Variants in DGAT2L6 observed in about 807,000 individuals in gnomAD.
The protein encoded by DGAT2L6 is diacylglycerol O-acyltransferase 2 like 6, also known as diacylglycerol O-acyltransferase 2-like protein 6.
DGAT2L6 carries 22 observed loss-of-function variants against 25.5 expected under a neutral mutation model. The ratio of observed to expected loss-of-function variants is 0.86; its 90% CI spans 0.62 to 1.23. The LOEUF (loss-of-function observed/expected upper bound fraction) is 1.23. Ranked by LOEUF, DGAT2L6 falls within the 50% of genes most tolerant of loss-of-function variation. The probability of loss-of-function intolerance (pLI) is 0.00; values close to 1 mark genes in which losing one functional copy is unlikely to be tolerated. For missense variants in DGAT2L6, 287 were observed against 253.2 expected, an observed-to-expected ratio of 1.13 and a Z score of -0.91; for synonymous variants, 100 against 94.7, an observed-to-expected ratio of 1.06 and a Z score of -0.32.
At chrX:70,187,925 C>T (rs2085364340) in intron 1 of DGAT2L6, among the ~76,000 whole-genome samples, 1 of 112,185 alleles carries the variant, frequency 8.9e-6, no homozygotes. Context: ...TGGCCACTCA[C>T]CTGCTAGCTG....
intron 5 of DGAT2L6, among the ~76,000 whole-genome samples, chrX:70,203,199 A>G (rs900195860): frequency 3.6e-5 from 4 of 112,186 alleles, no homozygotes; most frequent in African/African-American, 1.3e-4. Flanking sequence ...TTATTTGTTT[A>G]CCAACTATTT....
intron 1 of DGAT2L6, among the ~76,000 whole-genome samples, chrX:70,196,413 C>T (rs996951387): frequency 9.3e-5 from 9 of 96,359 alleles, no homozygotes; most frequent in East Asian, 3.4e-4. Context: ...GCCCAGGAAG[C>T]GGAGGTTGCA....
Position 70,205,145 on chromosome X carries a change from T to C in DGAT2L6, c.*39T>C, listed in dbSNP as rs1475858412. 8.8e-7 allele frequency: 1 copy of C among 1,134,110 alleles called. No individual in the cohort carries two copies. The highest frequency in any genetic ancestry group is 1.2e-6 in the Non-Finnish European group (1 of 858,231). The allele number at this position is 1,134,110 out of a possible 1,213,427, so 93.5% of individuals were successfully genotyped here. ...CCCCATTGATCAACCCCCAAAGCCA[T>C]GAGGGATCCAAGTAGAGCCACAGAA... On this transcript the variant is annotated 3_prime_UTR_variant, in exon 7 of 7. Transcript: ENST00000333026.
intron 1 of DGAT2L6, among the ~76,000 whole-genome samples, chrX:70,189,457 T>A (rs1423802263): frequency 8.9e-6 from 1 of 111,858 alleles, no homozygotes; most frequent in Non-Finnish European, 1.9e-5. Context: ...AACTGTAAAA[T>A]GCTGATGAAT....
intron 1 of DGAT2L6, among the ~76,000 whole-genome samples, chrX:70,179,770 G>T (rs947089151): frequency 1.8e-5 from 2 of 109,175 alleles, no homozygotes; most frequent in African/African-American, 6.7e-5. Flanking sequence ...GTATCGCCAT[G>T]TTAGCCAAGC....
intron 4 of DGAT2L6, 39 bp downstream of exon 4, chrX:70,200,498 C>G (rs1383191281): frequency 8.8e-7 from 1 of 1,140,535 alleles, no homozygotes; most frequent in Non-Finnish European, 1.2e-6. Context: ...TTTTTACCTA[C>G]TTCAAAGGTG....
At chrX:70,195,280 AC>A (rs1337978735) in intron 1 of DGAT2L6, among the ~76,000 whole-genome samples, 1 of 111,772 alleles carries the variant, frequency 8.9e-6, no homozygotes, top group African/African-American at 3.3e-5. Context: ...ATCTTTGTAC[AC>A]TGTTGGTAGG....
Position 70,205,695 on chromosome X carries a change from T to C in DGAT2L6, c.*589T>C, listed in dbSNP as rs1348590025. On this transcript the variant is annotated 3_prime_UTR_variant, in exon 7 of 7. Coordinates refer to ENST00000333026, the MANE Select transcript of DGAT2L6 (RefSeq NM_198512.3). ...CTTTGAAAATAAAGTTCTAGACATA[T>C]AAAACAGGATACCACTATTTCCTGA... is the stretch of plus-strand genomic sequence containing the variant. 8.9e-6 allele frequency: 1 copy of C among 112,056 alleles called. No individual in the cohort carries two copies. Among genetic ancestry groups the C allele is most frequent in the South Asian group, 3.8e-4 (1 of 2,664 alleles). The allele number at this position is 112,056 out of a possible 1,213,427, so 9.2% of individuals were successfully genotyped here. A position where few individuals can be genotyped will look rare whatever the true frequency, so the allele number is the denominator to read the frequency against.
chrX:70,193,168 A>C, intron 1 of DGAT2L6, among the ~76,000 whole-genome samples: 1 of 110,443 alleles, frequency 9.1e-6, no homozygotes, highest in Non-Finnish European at 1.9e-5. Flanking sequence ...AAATACAAAA[A>C]TTAGCCAGGC....
intron 1 of DGAT2L6, among the ~76,000 whole-genome samples, chrX:70,179,562 CTTTTT>C (rs3084451): frequency 1.6e-5 from 1 of 64,267 alleles, no homozygotes; most frequent in East Asian, 5.3e-4. Context: ...TCTGAGGCAG[CTTTTT>C]TTTTTTTTTT....
intron 1 of DGAT2L6, among the ~76,000 whole-genome samples, chrX:70,189,683 G>A (rs750307989): frequency 4.5e-5 from 5 of 111,707 alleles, no homozygotes; most frequent in South Asian, 3.7e-4. Flanking sequence ...AGAGAATATC[G>A]TTTTTCTTGC....
chrX:70,204,606 C>T, intron 6 of DGAT2L6, 90 bp downstream of exon 6: 1 of 1,043,563 alleles, frequency 9.6e-7, no homozygotes, highest in South Asian at 2.2e-5. Context: ...GGACCCAACT[C>T]ACATCTGGGA....
Position 70,204,642 on chromosome X carries a change from G to A in DGAT2L6, c.859+126G>A, listed in dbSNP as rs1035855409. 1.9e-5 allele frequency: 15 copies of A among 790,505 alleles called. No individual in the cohort carries two copies. The African/African-American group carries it at 3.1e-4, about 17-fold the overall frequency. The allele number at this position is 790,505 out of a possible 1,213,427, so 65.1% of individuals were successfully genotyped here. ...TGGGCAATGGGTGTGGTTAAGAGCA[G>A]GGTGGGTAGGACAACTAAACAGATA... On this transcript the variant is annotated intron_variant, in intron 6 of 6. Coordinates refer to ENST00000333026, the MANE Select transcript of DGAT2L6 (RefSeq NM_198512.3).
chrX:70,202,345 C>G (rs1378274555), intron 5 of DGAT2L6, among the ~76,000 whole-genome samples: 1 of 112,007 alleles, frequency 8.9e-6, no homozygotes, highest in Non-Finnish European at 1.9e-5. Context: ...AGCGGGGCTT[C>G]ACTCTATATC....
rs934455818 is a variant in DGAT2L6 at position 70,198,479 on chromosome X, T to C, written c.86-792T>C. Among the ~76,000 whole-genome samples the C allele has an allele frequency of 3.6e-5, 4 of 111,539 alleles. No homozygotes were observed. In the East Asian group the frequency reaches 1.1e-3, roughly 32 times the overall value. ...TTGGCCTCCCAAATTGCTAAGATTA[T>C]AGGAGTGAGCCACCGCACCTGGCCT... On this transcript the variant is annotated intron_variant, in intron 1 of 6. Coordinates refer to ENST00000333026, the MANE Select transcript of DGAT2L6 (RefSeq NM_198512.3).
In DGAT2L6 at chrX:70,205,660, A is replaced by G. The variant is rs1485237395; in HGVS notation, c.*554A>G. On this transcript the variant is annotated 3_prime_UTR_variant, in exon 7 of 7. Transcript: ENST00000333026. ...AGTTCTAGATTGGCAATGCAGTTAC[A>G]TTGTTTCTTCTTTGAAAATAAAGTT... is the stretch of plus-strand genomic sequence containing the variant. 1 of 112,030 alleles carries G rather than the reference A, an allele frequency of 8.9e-6. No individual in the cohort carries two copies. The highest frequency in any genetic ancestry group is 1.9e-5 in the Non-Finnish European group (1 of 53,300). The allele number at this position is 112,030 out of a possible 1,213,427, so 9.2% of individuals were successfully genotyped here. A position where few individuals can be genotyped will look rare whatever the true frequency, so the allele number is the denominator to read the frequency against.
chrX:70,204,659 A>G, intron 6 of DGAT2L6, 143 bp downstream of exon 6: 2 of 692,500 alleles, frequency 2.9e-6, no homozygotes, highest in Non-Finnish European at 4.2e-6. Context: ...TAGGACAACT[A>G]AACAGATAAG....
intron 1 of DGAT2L6, among the ~76,000 whole-genome samples, chrX:70,198,280 A>T (rs1309966100): frequency 1.8e-5 from 2 of 112,765 alleles, no homozygotes; most frequent in East Asian, 5.5e-4. Flanking sequence ...ATTTGCTAAC[A>T]CAGACTTCCC....
intron 5 of DGAT2L6, among the ~76,000 whole-genome samples, chrX:70,203,672 G>C (rs1418919963): frequency 9.0e-6 from 1 of 111,102 alleles, no homozygotes; most frequent in Non-Finnish European, 1.9e-5. Flanking sequence ...GGCAGCGTTA[G>C]TGTAGAAGAG....
Sources: gnomAD v4.1 joint callset for allele counts (sites outside exome capture counted in the v4.1 genomes callset) on GRCh38, gnomAD v4.1.1 for gene constraint, MANE v1.5 for transcripts, NCBI Gene and HGNC (gene_info 2026-07-23, HGNC 2026-07-21) for gene names.